The following UBE2E2 variants were observed in gnomAD, a reference collection of about 807,000 sequenced individuals.
The protein encoded by UBE2E2 is ubiquitin conjugating enzyme E2 E2.
Under a neutral mutation model 24.7 loss-of-function variants are expected in UBE2E2, and 6 were observed. That is an observed-to-expected ratio of 0.24 (90% CI 0.13 to 0.48). UBE2E2 has a LOEUF of 0.48. UBE2E2 is among the 20% of genes least tolerant of loss of function. UBE2E2 has a pLI of 0.99. For synonymous variants in UBE2E2, 104 were observed against 83.6 expected, an observed-to-expected ratio of 1.24 and a Z score of -1.33; for missense variants, 169 against 245.0, an observed-to-expected ratio of 0.69 and a Z score of 2.07.
chr3:23,499,946 T>A (rs1446929500), intron 4 of UBE2E2, among the ~76,000 whole-genome samples: 1 of 152,230 alleles, frequency 6.6e-6, no homozygotes, highest in African/African-American at 2.4e-5. Flanking sequence ...CATTGTTTTT[T>A]TTCTCCTCCT....
intron 3 of UBE2E2, among the ~76,000 whole-genome samples, chr3:23,400,623 C>CACACACACACAT (rs775829714): frequency 1.1e-4 from 17 of 151,260 alleles, no homozygotes; most frequent in East Asian, 9.7e-4. Flanking sequence ...CACACACACA[C>CACACACACACAT]ACACACACAC....
At chr3:23,328,055 G>A (rs1694951029) in intron 3 of UBE2E2, among the ~76,000 whole-genome samples, 1 of 133,940 alleles carries the variant, frequency 7.5e-6, no homozygotes, top group South Asian at 2.5e-4. Flanking sequence ...AAACAGAGCA[G>A]TGGTCATGAT....
At chr3:23,477,097 G>T (rs1699156399) in intron 3 of UBE2E2, among the ~76,000 whole-genome samples, 1 of 151,072 alleles carries the variant, frequency 6.6e-6, no homozygotes, top group Non-Finnish European at 1.5e-5. Flanking sequence ...GTGTAATTGT[G>T]TTTGCAGTGA....
intron 5 of UBE2E2, among the ~76,000 whole-genome samples, chr3:23,568,276 C>G (rs534064818): frequency 6.6e-6 from 1 of 152,240 alleles, no homozygotes; most frequent in Non-Finnish European, 1.5e-5. Context: ...CTCTTACCCA[C>G]TGAAGAGGAA....
intron 3 of UBE2E2, chr3:23,270,824 T>A (rs1698220983): frequency 2.3e-6 from 1 of 437,646 alleles, no homozygotes; most frequent in Admixed American, 2.4e-5. Flanking sequence ...CACACTCTCT[T>A]AGGTGTGCAA....
At chr3:23,514,018 T>C (rs1319069528) in intron 4 of UBE2E2, among the ~76,000 whole-genome samples, 1 of 152,238 alleles carries the variant, frequency 6.6e-6, no homozygotes, top group African/African-American at 2.4e-5. Flanking sequence ...TGGCTTCCCA[T>C]TGCACTTAGA....
chr3:23,496,837 G>T (rs1393004744), intron 3 of UBE2E2, among the ~76,000 whole-genome samples: 1 of 152,070 alleles, frequency 6.6e-6, no homozygotes, highest in Non-Finnish European at 1.5e-5. Flanking sequence ...ACAACTCAGG[G>T]TTTAGAGGTA....
At chr3:23,403,545 G>A (rs1396615135) in intron 3 of UBE2E2, among the ~76,000 whole-genome samples, 1 of 152,198 alleles carries the variant, frequency 6.6e-6, no homozygotes, top group Non-Finnish European at 1.5e-5. Flanking sequence ...TAGGGGCTGG[G>A]CACAGTGGCT....
chr3:23,295,863 G>A (rs1052541866), intron 3 of UBE2E2, among the ~76,000 whole-genome samples: 1 of 152,138 alleles, frequency 6.6e-6, no homozygotes, highest in Non-Finnish European at 1.5e-5. Context: ...GCCCTGAAGG[G>A]AAAGGTTGAT....
chr3:23,484,173 G>T (rs965499717), intron 3 of UBE2E2, among the ~76,000 whole-genome samples: 1 of 152,152 alleles, frequency 6.6e-6, no homozygotes, highest in Non-Finnish European at 1.5e-5. Flanking sequence ...TTTCCATGAA[G>T]TGCCTTTAGC....
rs550562290 is a variant in UBE2E2 at position 23,462,717 on chromosome 3, G to A, written c.228-36891G>A. Among the ~76,000 whole-genome samples, 56 of 152,176 alleles carry A rather than the reference G, an allele frequency of 3.7e-4. 1 individual carries two copies. Among genetic ancestry groups the A allele is most frequent in the African/African-American group, 1.3e-3 (55 of 41,514 alleles). On this transcript the variant is annotated intron_variant, in intron 3 of 5. Transcript: ENST00000396703. Reference sequence around the variant, plus strand: ...AAAAAAATACTTTTGATGCCTTCCCGTCTCATCTTTTGCATCCCTCATTAT... The same window carrying A: ...AAAAAAATACTTTTGATGCCTTCCCATCTCATCTTTTGCATCCCTCATTAT...
chr3:23,519,892 C>T (rs2125473778), intron 4 of UBE2E2, among the ~76,000 whole-genome samples: 1 of 152,078 alleles, frequency 6.6e-6, no homozygotes, highest in Non-Finnish European at 1.5e-5. Flanking sequence ...CCATGTTGCC[C>T]ACGCAGGTCT....
At chr3:23,284,724 A>ATG (rs1305404301) in intron 3 of UBE2E2, among the ~76,000 whole-genome samples, 1 of 151,688 alleles carries the variant, frequency 6.6e-6, no homozygotes. Flanking sequence ...ATATATATAT[A>ATG]TTTAGGAATA....
chr3:23,346,444 A>C (rs1695560206), intron 3 of UBE2E2, among the ~76,000 whole-genome samples: 1 of 152,192 alleles, frequency 6.6e-6, no homozygotes, highest in African/African-American at 2.4e-5. Context: ...CTTTCAGTAA[A>C]ATGTATTTAG....
At chr3:23,251,421 TATTAATC>T (rs1231597464) in intron 3 of UBE2E2, among the ~76,000 whole-genome samples, 1 of 152,258 alleles carries the variant, frequency 6.6e-6, no homozygotes, top group Non-Finnish European at 1.5e-5. Flanking sequence ...ATAGTTGGGC[TATTAATC>T]ATACATTTAC....
Position 23,407,825 on chromosome 3 carries a change from T to C in UBE2E2, c.228-91783T>C, listed in dbSNP as rs944452473. 8.5e-5 allele frequency among the ~76,000 whole-genome samples: 13 copies of C among 152,184 alleles called. No individual in the cohort carries two copies. Among genetic ancestry groups the C allele is most frequent in the Admixed American group, 2.6e-4 (4 of 15,258 alleles). On this transcript the variant is annotated intron_variant, in intron 3 of 5. Coordinates refer to ENST00000396703, the MANE Select transcript of UBE2E2 (RefSeq NM_152653.4). This position sits in a 1 kb window ranked among gnomAD's most constrained non-coding sequence, Gnocchi z 4.0. Reference sequence around the variant, plus strand: ...TTCTGGGAAATAGTTACCAATAATATAGGAAATATAAAAAATTCTGTTTCC... The same window carrying C: ...TTCTGGGAAATAGTTACCAATAATACAGGAAATATAAAAAATTCTGTTTCC...
intron 3 of UBE2E2, among the ~76,000 whole-genome samples, chr3:23,270,530 C>G (rs994295720): frequency 6.6e-6 from 1 of 152,164 alleles, no homozygotes; most frequent in Non-Finnish European, 1.5e-5. Context: ...GTTCTGTTCT[C>G]CTTCTCCCCA....
At chr3:23,326,227 A>G (rs1295645671) in intron 3 of UBE2E2, among the ~76,000 whole-genome samples, 3 of 152,032 alleles carry the variant, frequency 2.0e-5, no homozygotes, top group Non-Finnish European at 2.9e-5. Context: ...GCCTGCCACC[A>G]AGCCTGGCTA....
intron 3 of UBE2E2, among the ~76,000 whole-genome samples, chr3:23,409,381 G>T (rs1016904510): frequency 1.3e-5 from 2 of 152,144 alleles, no homozygotes; most frequent in Non-Finnish European, 2.9e-5. Flanking sequence ...GTATTAATAT[G>T]ATGTACAAAG....
Sources: gnomAD v4.1 joint callset for allele counts (sites outside exome capture counted in the v4.1 genomes callset) on GRCh38, gnomAD v4.1.1 for gene constraint, Gnocchi (gnomAD v3.1) non-coding constraint, MANE v1.5 for transcripts, NCBI Gene and HGNC (gene_info 2026-07-23, HGNC 2026-07-21) for gene names.